Variants in KSR2 observed in about 807,000 individuals in gnomAD.
The protein encoded by KSR2 is kinase suppressor of ras 2.
In KSR2, 25 loss-of-function variants were observed where a neutral mutation model predicts 107.8. That is an observed-to-expected ratio of 0.23 (90% CI 0.17 to 0.32). The LOEUF is 0.32. KSR2 is among the 10% of genes least tolerant of loss of function. The pLI, the probability that KSR2 is intolerant of heterozygous loss-of-function variation, is 1.00. For missense variants in KSR2, 887 were observed against 1,268.9 expected, an observed-to-expected ratio of 0.70 and a Z score of 4.57; for synonymous variants, 480 against 507.0, an observed-to-expected ratio of 0.95 and a Z score of 0.71.
At chr12:117,963,627 A>C (rs1471666925) in intron 1 of KSR2, among the ~76,000 whole-genome samples, 1 of 152,096 alleles carries the variant, frequency 6.6e-6, no homozygotes, top group African/African-American at 2.4e-5. Context: ...AAAAAAGCTT[A>C]TACTTTTCTA....
At chr12:117,671,061 C>G (rs143992999) in intron 4 of KSR2, among the ~76,000 whole-genome samples, 1,675 of 152,290 alleles carry the variant, frequency 0.011, 30 homozygotes, top group African/African-American at 0.038. Context: ...ACACACACAC[C>G]TTGGTCTGGC....
intron 1 of KSR2, among the ~76,000 whole-genome samples, chr12:117,967,188 ATCT>A (rs975959938): frequency 1.3e-5 from 2 of 148,424 alleles, no homozygotes; most frequent in African/African-American, 5.1e-5. Flanking sequence ...AATTTCTGCC[ATCT>A]TCTTTCTGAG....
intron 1 of KSR2, among the ~76,000 whole-genome samples, chr12:117,900,443 GATAGA>G (rs1264125407): frequency 6.6e-6 from 1 of 152,186 alleles, no homozygotes; most frequent in Non-Finnish European, 1.5e-5. Flanking sequence ...AAGAACATTA[GATAGA>G]TGCCTCAAGG....
intron 12 of KSR2, among the ~76,000 whole-genome samples, chr12:117,527,502 T>C (rs758598882): frequency 2.0e-4 from 30 of 152,244 alleles, no homozygotes; most frequent in Non-Finnish European, 3.7e-4. Flanking sequence ...AGATAAGTCC[T>C]CAGAGCTGTA....
At chr12:117,490,068 C>T (rs1027563790) in intron 14 of KSR2, among the ~76,000 whole-genome samples, 1 of 152,100 alleles carries the variant, frequency 6.6e-6, no homozygotes, top group Non-Finnish European at 1.5e-5. Flanking sequence ...AATAGCAAAC[C>T]CTATTATATC....
intron 3 of KSR2, among the ~76,000 whole-genome samples, chr12:117,766,942 G>T (rs1889250940): frequency 6.6e-6 from 1 of 151,740 alleles, no homozygotes; most frequent in Non-Finnish European, 1.5e-5. Flanking sequence ...GGAGTGCAGT[G>T]GCACAATCTC....
intron 1 of KSR2, among the ~76,000 whole-genome samples, chr12:117,947,223 A>AAGAAAGAAAGAAAGAAAG (rs1896220525): frequency 8.8e-6 from 1 of 114,084 alleles, no homozygotes; most frequent in African/African-American, 4.0e-5. Context: ...GAAAGAAAGA[A>AAGAAAGAAAGAAAGAAAG]AGAAAGAAAG....
At chr12:117,646,057 T>C (rs900749965) in intron 5 of KSR2, among the ~76,000 whole-genome samples, 2 of 152,172 alleles carry the variant, frequency 1.3e-5, no homozygotes, top group African/African-American at 2.4e-5. Context: ...ATACTTTAAA[T>C]CACCTCTACA....
At chr12:117,658,537 A>T (rs1884283416) in intron 5 of KSR2, among the ~76,000 whole-genome samples, 3 of 152,218 alleles carry the variant, frequency 2.0e-5, no homozygotes. Context: ...GGCAGAGTTG[A>T]GTAGTTGTCA....
chr12:117,500,843 C>T (rs1238759068), intron 14 of KSR2, among the ~76,000 whole-genome samples: 1 of 152,240 alleles, frequency 6.6e-6, no homozygotes, highest in Non-Finnish European at 1.5e-5. Flanking sequence ...TTGACCAAAG[C>T]CCCTGGGCCT....
intron 3 of KSR2, among the ~76,000 whole-genome samples, chr12:117,832,806 C>G (rs142397984): frequency 1.2e-3 from 183 of 152,364 alleles, no homozygotes; most frequent in African/African-American, 3.3e-3. Flanking sequence ...CATCCACCAG[C>G]CTTACCTAGG....
intron 3 of KSR2, among the ~76,000 whole-genome samples, chr12:117,763,675 A>G (rs559155264): frequency 6.6e-6 from 1 of 152,342 alleles, no homozygotes; most frequent in East Asian, 1.9e-4. Context: ...TAAGGTGCAG[A>G]TTGGCTTTTA....
chr12:117,524,914 ATGCCGTGT>A lies in KSR2; in HGVS notation c.2149_2156del (p.Thr717Ter). The stretch of plus-strand genomic sequence containing the variant: ...CACCCATGAAAAGCACCACGTTCTC[ATGCCGTGT>A]CTGCCTGTAGGCCATCACCTCCCGC... On this transcript the variant is annotated frameshift_variant, in exon 14 of 20. Transcript: ENST00000339824. LOFTEE classifies it high-confidence loss of function. 1 of 1,613,446 alleles carries A rather than the reference ATGCCGTGT, an allele frequency of 6.2e-7. No homozygotes were observed. The highest frequency in any genetic ancestry group is 8.5e-7 in the Non-Finnish European group (1 of 1,179,478).
chr12:117,757,621 T>C (rs1364714464), intron 4 of KSR2, among the ~76,000 whole-genome samples: 2 of 152,258 alleles, frequency 1.3e-5, no homozygotes, highest in Admixed American at 1.3e-4. Flanking sequence ...TCAGCCCAAC[T>C]TTCAGCTACC....
chr12:117,960,580 T>G (rs971894621), intron 1 of KSR2, among the ~76,000 whole-genome samples: 2 of 152,166 alleles, frequency 1.3e-5, no homozygotes, highest in Non-Finnish European at 2.9e-5. Context: ...CCAGCCACAG[T>G]TGAGCCATCA....
intron 5 of KSR2, among the ~76,000 whole-genome samples, chr12:117,613,125 C>A (rs1225125633): frequency 1.3e-5 from 2 of 152,208 alleles, no homozygotes; most frequent in Non-Finnish European, 2.9e-5. Flanking sequence ...GCTAGCAAAT[C>A]CTGACAAAGA....
intron 1 of KSR2, among the ~76,000 whole-genome samples, chr12:117,911,474 T>G (rs921635852): frequency 6.6e-6 from 1 of 152,184 alleles, no homozygotes; most frequent in African/African-American, 2.4e-5. Flanking sequence ...GCCCACAGAC[T>G]AATGAGCAAG....
chr12:117,881,873 T>C (rs1031406995), intron 1 of KSR2, among the ~76,000 whole-genome samples: 8 of 152,166 alleles, frequency 5.3e-5, no homozygotes, highest in African/African-American at 1.9e-4. Flanking sequence ...TTAATATTAA[T>C]ATTTCTTGAG....
chr12:117,607,876 G>T (rs1053001357), intron 5 of KSR2, among the ~76,000 whole-genome samples: 2 of 152,196 alleles, frequency 1.3e-5, no homozygotes, highest in African/African-American at 4.8e-5. Context: ...GCAGAGTCAG[G>T]GTACAGAAGA....
Sources: allele counts gnomAD v4.1 joint callset (sites outside exome capture counted in the v4.1 genomes callset), GRCh38; gene constraint gnomAD v4.1.1; transcripts MANE v1.5; gene names NCBI Gene and HGNC (gene_info 2026-07-23, HGNC 2026-07-21).